The following ADGRL3 variants were observed in gnomAD, a reference collection of about 807,000 sequenced individuals.
The protein encoded by ADGRL3 is adhesion G protein-coupled receptor L3, also known as calcium-independent alpha-latrotoxin receptor 3.
ADGRL3 carries 62 observed loss-of-function variants against 153.5 expected under a neutral mutation model. The ratio of observed to expected loss-of-function variants is 0.40; its 90% confidence interval spans 0.33 to 0.50. The LOEUF (loss-of-function observed/expected upper bound fraction) is 0.50, where lower values mean the gene tolerates loss of function less well. Among genes scored for constraint, ADGRL3 ranks in the 20% least tolerant of loss-of-function variants. The pLI, the probability that ADGRL3 is intolerant of heterozygous loss-of-function variation, is 0.47. For synonymous variants in ADGRL3, 710 were observed against 672.5 expected, an observed-to-expected ratio of 1.06 and a Z score of -0.86; for missense variants, 1,641 against 1,859.4, an observed-to-expected ratio of 0.88 and a Z score of 2.16.
At chr4:61,447,000 G>T (rs1487141017) in intron 2 of ADGRL3, among the ~76,000 whole-genome samples, 1 of 152,030 alleles carries the variant, frequency 6.6e-6, no homozygotes, top group Non-Finnish European at 1.5e-5. Flanking sequence ...CTATTATTAG[G>T]AATCAGCTAT....
chr4:61,973,220 A>G (rs1362119220), intron 17 of ADGRL3, among the ~76,000 whole-genome samples: 1 of 152,024 alleles, frequency 6.6e-6, no homozygotes, highest in Non-Finnish European at 1.5e-5. Flanking sequence ...TTTTTAAATC[A>G]TAAGGCAAAA....
intron 5 of ADGRL3, among the ~76,000 whole-genome samples, chr4:61,653,095 A>G (rs536956213): frequency 6.6e-6 from 1 of 151,862 alleles, no homozygotes; most frequent in South Asian, 2.1e-4. Context: ...CTAATACAAT[A>G]GGATTAGTGG....
intron 12 of ADGRL3, 92 bp from the exon 13 acceptor site, chr4:61,912,627 G>A: frequency 8.9e-7 from 1 of 1,117,870 alleles, no homozygotes; most frequent in Non-Finnish European, 1.3e-6. Flanking sequence ...AAGGTGTTTT[G>A]TGTAGATGTG....
chr4:61,884,611 C>G (rs1378472603), intron 9 of ADGRL3, among the ~76,000 whole-genome samples: 1 of 151,962 alleles, frequency 6.6e-6, no homozygotes, highest in African/African-American at 2.4e-5. Context: ...AGGCTGCTTT[C>G]TTTTATTATT....
chr4:61,959,863 C>T (rs982365749), intron 17 of ADGRL3, among the ~76,000 whole-genome samples: 9 of 152,096 alleles, frequency 5.9e-5, no homozygotes, highest in Non-Finnish European at 1.3e-4. Context: ...CTAGTTCTTA[C>T]ACTCATTTTG....
chr4:61,457,261 A>G (rs1398262337), intron 2 of ADGRL3, among the ~76,000 whole-genome samples: 1 of 152,006 alleles, frequency 6.6e-6, no homozygotes, highest in Non-Finnish European at 1.5e-5. Flanking sequence ...TATTGTAGTC[A>G]TTCTCAAATA....
intron 1 of ADGRL3, among the ~76,000 whole-genome samples, chr4:61,216,146 A>C (rs2148936065): frequency 6.6e-6 from 1 of 152,296 alleles, no homozygotes; most frequent in South Asian, 2.1e-4. Flanking sequence ...GCTAAGGCTC[A>C]GTATTGCATG....
intron 2 of ADGRL3, among the ~76,000 whole-genome samples, chr4:61,393,720 TACCA>T (rs2096838949): frequency 6.6e-6 from 1 of 152,200 alleles, no homozygotes; most frequent in Non-Finnish European, 1.5e-5. Context: ...GAACATTAAG[TACCA>T]TCTTTCAAAT....
chr4:61,385,103 C>T (rs181917963), intron 2 of ADGRL3, among the ~76,000 whole-genome samples: 1 of 152,030 alleles, frequency 6.6e-6, no homozygotes, highest in Admixed American at 6.6e-5. Context: ...ACAAACCTGC[C>T]AAACATTTAA....
rs140707525 is a variant in ADGRL3 at position 62,032,063 on chromosome 4, A to T, written c.3591+453A>T. ...ATATATTTCTGTTTCTTCAAACACT[A>T]GTTTACATTAGAACATATAAATGTT... On this transcript the variant is annotated intron_variant, in intron 23 of 26. Coordinates refer to ENST00000683033, the MANE Select transcript of ADGRL3 (RefSeq NM_001387552.1). Among the ~76,000 whole-genome samples the T allele has an allele frequency of 1.1e-4, 16 of 151,582 alleles. No individual in the cohort carries two copies. The East Asian group carries it at 3.1e-3, about 29-fold the overall frequency.
chr4:61,314,364 C>T (rs895413868), intron 1 of ADGRL3, among the ~76,000 whole-genome samples: 3 of 152,112 alleles, frequency 2.0e-5, no homozygotes, highest in Admixed American at 6.5e-5. Context: ...CATGTGCCGC[C>T]ATGCCCGGCT....
intron 4 of ADGRL3, among the ~76,000 whole-genome samples, chr4:61,581,843 A>AT (rs2098926960): frequency 1.3e-5 from 2 of 152,064 alleles, no homozygotes; most frequent in Non-Finnish European, 2.9e-5. Flanking sequence ...AAATCATGTA[A>AT]TTTTTTGTTC....
intron 1 of ADGRL3, among the ~76,000 whole-genome samples, chr4:61,333,974 G>A (rs1366791061): frequency 2.0e-5 from 3 of 150,616 alleles, no homozygotes; most frequent in East Asian, 3.9e-4. Flanking sequence ...GAAATGCAAT[G>A]GTGTGATCTT....
intron 9 of ADGRL3, among the ~76,000 whole-genome samples, chr4:61,861,853 G>A (rs1376208484): frequency 5.9e-5 from 9 of 151,960 alleles, no homozygotes; most frequent in East Asian, 5.9e-4. Context: ...TTGAAGGCCC[G>A]CCCTACCTGG....
chr4:61,485,493 A>C (rs930743364), intron 2 of ADGRL3, among the ~76,000 whole-genome samples: 5 of 152,202 alleles, frequency 3.3e-5, no homozygotes, highest in African/African-American at 1.2e-4. Flanking sequence ...TGTGAATATC[A>C]AGCGTTTTAA....
At chr4:61,410,739 C>T (rs1322154131) in intron 2 of ADGRL3, among the ~76,000 whole-genome samples, 1 of 152,156 alleles carries the variant, frequency 6.6e-6, no homozygotes, top group African/African-American at 2.4e-5. Context: ...TGAATGCCCA[C>T]AGAATACACT....
At chr4:61,802,247 C>A (rs191191606) in intron 8 of ADGRL3, among the ~76,000 whole-genome samples, 1 of 152,086 alleles carries the variant, frequency 6.6e-6, no homozygotes, top group South Asian at 2.1e-4. Context: ...TTTGCACACA[C>A]AATATCAGTG....
At chr4:61,327,850 A>C (rs1158158438) in intron 1 of ADGRL3, among the ~76,000 whole-genome samples, 1 of 152,158 alleles carries the variant, frequency 6.6e-6, no homozygotes, top group Non-Finnish European at 1.5e-5. Context: ...TTTAATTATT[A>C]ATCCATGATG....
At chr4:61,486,012 T>C (rs562582360) in intron 2 of ADGRL3, among the ~76,000 whole-genome samples, 3 of 152,152 alleles carry the variant, frequency 2.0e-5, no homozygotes, top group African/African-American at 4.8e-5. Flanking sequence ...GGCACAATCT[T>C]GGCTCACTGC....
Sources: allele counts gnomAD v4.1 joint callset (sites outside exome capture counted in the v4.1 genomes callset), GRCh38; gene constraint gnomAD v4.1.1; transcripts MANE v1.5; gene names NCBI Gene and HGNC (gene_info 2026-07-23, HGNC 2026-07-21).